The following ANKRD31 variants were observed in gnomAD, a reference collection of about 807,000 sequenced individuals.
The protein encoded by ANKRD31 is ankyrin repeat domain 31, also known as ankyrin repeat domain-containing protein 31.
A neutral mutation model predicts 186.0 loss-of-function variants in ANKRD31; 147 were observed. The ratio of observed to expected loss-of-function variants is 0.79; its 90% CI spans 0.69 to 0.91. The LOEUF is 0.91. Among genes scored for constraint, ANKRD31 ranks in the 40% least tolerant of loss-of-function variants. The pLI is 0.00. For missense variants in ANKRD31, 1,986 were observed against 2,148.8 expected (o/e 0.92, Z 1.50); for synonymous variants, 673 against 736.4 (o/e 0.91, Z 1.39).
intron 20 of ANKRD31, among the ~76,000 whole-genome samples, chr5:75,110,053 C>T (rs911611140): frequency 2.0e-5 from 3 of 152,138 alleles, no homozygotes; most frequent in African/African-American, 7.2e-5. Flanking sequence ...GTCCCACTGC[C>T]TTACCTCTCC....
intron 17 of ANKRD31, among the ~76,000 whole-genome samples, chr5:75,133,733 C>T (rs13023110): frequency 2.6e-5 from 4 of 152,208 alleles, no homozygotes; most frequent in Non-Finnish European, 5.9e-5. Context: ...CACCACACCA[C>T]ACCTATTCCA....
chr5:75,201,072 C>T (rs1006484806), intron 5 of ANKRD31, among the ~76,000 whole-genome samples: 3 of 152,116 alleles, frequency 2.0e-5, no homozygotes, highest in Non-Finnish European at 4.4e-5. Flanking sequence ...TAATTATCTG[C>T]TGAACCTCAA....
chr5:75,123,971 TAATAAAAAAAA>T (rs1749001603), intron 17 of ANKRD31, among the ~76,000 whole-genome samples: 1 of 151,522 alleles, frequency 6.6e-6, no homozygotes, highest in Non-Finnish European at 1.5e-5. Context: ...GCAAAGGGAA[TAATAAAAAAAA>T]GTGAACAGAC....
intron 11 of ANKRD31, among the ~76,000 whole-genome samples, chr5:75,168,698 A>G (rs1349952767): frequency 6.7e-6 from 1 of 150,018 alleles, no homozygotes; most frequent in Admixed American, 6.6e-5. Context: ...AACCCTATAA[A>G]GCACCATATT....
chr5:75,166,832 T>C (rs1752957504), intron 11 of ANKRD31, among the ~76,000 whole-genome samples: 1 of 152,200 alleles, frequency 6.6e-6, no homozygotes, highest in Non-Finnish European at 1.5e-5. Context: ...TTTTTGCACA[T>C]TTTCTAAGGA....
chr5:75,209,460 T>TGAGGCCAGGAGTTC (rs148429872), intron 4 of ANKRD31, among the ~76,000 whole-genome samples: 32,269 of 151,990 alleles, frequency 0.21, 3,614 homozygotes, highest in South Asian at 0.39. Context: ...GTGGATCACT[T>TGAGGCCAGGAGTTC]GAGGCCAGGA....
intron 17 of ANKRD31, among the ~76,000 whole-genome samples, chr5:75,135,122 T>G (rs941565590): frequency 8.5e-5 from 13 of 152,114 alleles, no homozygotes; most frequent in African/African-American, 2.9e-4. Flanking sequence ...AGGGATGCCC[T>G]CTCTCACCAC....
At chr5:75,084,083 T>C (rs925538799) in intron 24 of ANKRD31, among the ~76,000 whole-genome samples, 189 bp downstream of exon 24, 1 of 152,178 alleles carries the variant, frequency 6.6e-6, no homozygotes, top group African/African-American at 2.4e-5. Flanking sequence ...TAGAATTATA[T>C]AGAGGTGGGT....
intron 3 of ANKRD31, among the ~76,000 whole-genome samples, chr5:75,221,101 C>G (rs1757274222): frequency 1.3e-5 from 2 of 152,120 alleles, no homozygotes; most frequent in South Asian, 4.2e-4. Context: ...ATGTTCTCAC[C>G]TACAAGTAGG....
chr5:75,194,694 A>T (rs1561525661), intron 7 of ANKRD31, among the ~76,000 whole-genome samples: 1 of 152,176 alleles, frequency 6.6e-6, no homozygotes, highest in Non-Finnish European at 1.5e-5. Context: ...AAATTAAAAG[A>T]TTTAAGTAGT....
intron 24 of ANKRD31, among the ~76,000 whole-genome samples, chr5:75,081,257 C>T (rs972986486): frequency 3.3e-5 from 5 of 152,152 alleles, no homozygotes; most frequent in African/African-American, 9.7e-5. Context: ...CTTAAATTAA[C>T]ATTAAAATTT....
intron 23 of ANKRD31, 63 bp from the exon 24 acceptor site, chr5:75,084,437 G>T: frequency 8.6e-7 from 1 of 1,165,210 alleles, no homozygotes; most frequent in Non-Finnish European, 1.2e-6. Flanking sequence ...ATACACCTAT[G>T]TCCTGAACAT....
At position 75,148,575 on chromosome 5, in the gene ANKRD31, C is replaced by G; in HGVS notation, c.1905+1G>C. 2 of 1,514,340 alleles carry G rather than the reference C, an allele frequency of 1.3e-6. No homozygotes were observed. Among genetic ancestry groups the G allele is most frequent in the Non-Finnish European group, 1.8e-6 (2 of 1,132,650 alleles). 93.8% of individuals were successfully genotyped at this position (1,514,340 alleles called of 1,614,324 possible). On this transcript the variant is annotated splice_donor_variant, in intron 13 of 25. Coordinates refer to ENST00000506364, the MANE Select transcript of ANKRD31 (RefSeq NM_001372053.1). LOFTEE classifies it high-confidence loss of function. ...ATGTTTATTACTAAACATAGATATA[C>G]CTTGTGTTGGTACACATCCTCTATG... is the stretch of plus-strand genomic sequence containing the variant.
chr5:75,091,649 T>C (rs1745933704), intron 22 of ANKRD31, among the ~76,000 whole-genome samples: 1 of 152,128 alleles, frequency 6.6e-6, no homozygotes, highest in Admixed American at 6.5e-5. Flanking sequence ...CAAGACTGCA[T>C]CCTCCCTCCC....
intron 1 of ANKRD31, among the ~76,000 whole-genome samples, chr5:75,232,565 GTTTTTTT>G (rs61040569): frequency 2.2e-4 from 33 of 148,726 alleles, no homozygotes; most frequent in Admixed American, 1.9e-3. Context: ...AATTTTGTGT[GTTTTTTT>G]TTTTTAATTT....
At chr5:75,230,407 T>G (rs1757879056) in intron 2 of ANKRD31, among the ~76,000 whole-genome samples, 155 bp downstream of exon 2, 1 of 152,252 alleles carries the variant, frequency 6.6e-6, no homozygotes, top group Admixed American at 6.5e-5. Context: ...CTATAAAAAC[T>G]TAACTGTTAT....
chr5:75,194,393 T>TG (rs11378160), intron 7 of ANKRD31, among the ~76,000 whole-genome samples: 77,151 of 151,896 alleles, frequency 0.51, 22,650 homozygotes, highest in African/African-American at 0.82. Flanking sequence ...AACACTGCAA[T>TG]TTTAATCTTC....
At chr5:75,232,302 C>T (rs2150324028) in intron 1 of ANKRD31, among the ~76,000 whole-genome samples, 1 of 152,228 alleles carries the variant, frequency 6.6e-6, no homozygotes, top group African/African-American at 2.4e-5. Flanking sequence ...GTCACTCTGT[C>T]ACCCAGGCTG....
At chr5:75,196,293 T>TAC in intron 6 of ANKRD31, 93 bp from the exon 7 acceptor site, 1 of 1,011,860 alleles carries the variant, frequency 9.9e-7, no homozygotes, top group Non-Finnish European at 1.3e-6. Context: ...ATCTTGTTTG[T>TAC]AAGCTACCCT....
Sources: gnomAD v4.1 joint callset for allele counts (sites outside exome capture counted in the v4.1 genomes callset) on GRCh38, gnomAD v4.1.1 for gene constraint, MANE v1.5 for transcripts, NCBI Gene and HGNC (gene_info 2026-07-23, HGNC 2026-07-21) for gene names.